Variants in PKD1 observed in about 807,000 individuals in gnomAD.
PKD1 encodes polycystin-1.
Under a neutral mutation model 361.7 loss-of-function variants are expected in PKD1, and 81 were observed. That is an observed-to-expected ratio of 0.22 (90% CI 0.19 to 0.27). The LOEUF (loss-of-function observed/expected upper bound fraction) is 0.27. Among genes scored for constraint, PKD1 ranks in the 10% least tolerant of loss-of-function variants. The pLI, the probability that PKD1 is intolerant of heterozygous loss-of-function variation, is 1.00. For missense variants in PKD1, 6,399 were observed against 6,118.3 expected (o/e 1.05, Z -1.53); for synonymous variants, 3,615 against 2,818.3 (o/e 1.28, Z -8.95).
chr16:2,126,992 A>G (rs1213889286), intron 1 of PKD1, among the ~76,000 whole-genome samples: 1 of 152,184 alleles, frequency 6.6e-6, no homozygotes, highest in Non-Finnish European at 1.5e-5. Context: ...AGGATGGCAG[A>G]GGAGATCCAC....
chr16:2,106,611 T>C lies in PKD1; in HGVS notation c.7276A>G (p.Ser2426Gly). ...CGCAGCACCAGTCGCATGCCTGCAC[T>C]GCCCGTGGATGTGGTGGTCTCATCC... ...VLDETTTSTGSAGMRLVLRRG... is the reference protein window; with the variant it reads ...VLDETTTSTGGAGMRLVLRRG... The change falls in exon 18 of 46, where the codon AGT becomes GGT. Residue 2426 changes from serine (S) to glycine (G), a missense_variant. Physicochemically the swap from Ser to Gly is moderately conservative, Grantham distance 56 (BLOSUM62 0). Transcript: ENST00000262304. The surrounding 1 kb of genome is among the most constrained non-coding windows in gnomAD (Gnocchi z 6.5). The C allele has an allele frequency of 6.3e-7, 1 of 1,598,684 alleles. No homozygotes were observed. Among genetic ancestry groups the C allele is most frequent in the Non-Finnish European group, 8.5e-7 (1 of 1,179,140 alleles).
At chr16:2,091,250 G>C (rs1316724439) in intron 42 of PKD1, 76 bp from the exon 43 acceptor site, 1 of 591,848 alleles carries the variant, frequency 1.7e-6, no homozygotes. Context: ...GACGCTGCCG[G>C]GGCGGGGCCC....
At position 2,124,644 on chromosome 16, in the gene PKD1, C is replaced by T. The variant is rs1596609026; in HGVS notation, c.216-5266G>A. Among the ~76,000 whole-genome samples the T allele has an allele frequency of 3.3e-5, 5 of 152,312 alleles. 1 individual carries two copies. Among genetic ancestry groups the T allele is most frequent in the African/African-American group, 1.2e-4 (5 of 41,574 alleles). ...ACTCAGAGCTGAGTGCCCCAGGCGCCCACTCCCCAGACCAGATGCTGAGTG... is the reference window on the plus strand; with the variant it reads ...ACTCAGAGCTGAGTGCCCCAGGCGCTCACTCCCCAGACCAGATGCTGAGTG... On this transcript the variant is annotated intron_variant, in intron 1 of 45. Transcript: ENST00000262304.
At chr16:2,112,194 C>G (rs1451565795) in intron 14 of PKD1, 146 bp downstream of exon 14, 2 of 776,742 alleles carry the variant, frequency 2.6e-6, no homozygotes, top group African/African-American at 3.4e-5. Flanking sequence ...CCCTCCCTCA[C>G]CCCAGTAGGG....
At chr16:2,129,539 TGA>T (rs1365530803) in intron 1 of PKD1, among the ~76,000 whole-genome samples, 1 of 141,654 alleles carries the variant, frequency 7.1e-6, no homozygotes, top group Admixed American at 7.1e-5. Flanking sequence ...TCAGATCCTG[TGA>T]TTTTTTTTTT....
rs1453638782 is a variant in PKD1 at position 2,089,845 on chromosome 16, C to T, written c.12794G>A (p.Gly4265Asp). Residue 4265 changes from glycine to aspartate, a missense_variant, in exon 46 of 46, where the codon GGC becomes GAC. Physicochemically the swap from Gly to Asp is moderately conservative, Grantham distance 94. Coordinates refer to ENST00000262304, the MANE Select transcript of PKD1 (RefSeq NM_001009944.3). ...PAGSSRGPSP[G>D]LRPALPSRLA... ...GCGGCTGGGCAGTGCTGGCCGCAGG[C>T]CCGGGGATGGGCCACGGGAAGATCC... 3 of 1,606,332 alleles carry T rather than the reference C, an allele frequency of 1.9e-6. No homozygotes were observed. Among genetic ancestry groups the T allele is most frequent in the African/African-American group, 2.7e-5 (2 of 74,980 alleles).
chr16:2,089,237 T>G lies in PKD1; in HGVS notation c.*490A>C. On this transcript the variant is annotated 3_prime_UTR_variant, in exon 46 of 46. Transcript: ENST00000262304. ...GCAGGCCCCTCAGCCCTAGTGAAAA[T>G]AGTGACATACAAAAATATACACATT... The G allele has an allele frequency of 5.8e-6, 1 of 172,614 alleles. No individual in the cohort carries two copies. Among genetic ancestry groups the G allele is most frequent in the Admixed American group, 5.6e-5 (1 of 17,868 alleles). The allele number at this position is 172,614 out of a possible 1,614,324, so 10.7% of individuals were successfully genotyped here. A position where few individuals can be genotyped will look rare whatever the true frequency, so the allele number is the denominator to read the frequency against.
In PKD1 at chr16:2,105,438, G is replaced by C. The variant is rs1293536553; in HGVS notation, c.7900C>G (p.His2634Asp). Residue 2634 changes from histidine (H) to aspartate (D), a missense_variant, in exon 21 of 46, where the codon CAC becomes GAC. Coordinates refer to ENST00000262304, the MANE Select transcript of PKD1 (RefSeq NM_001009944.3). ...ATCTGGGCTCGGTGCTGCCGCTCGT[G>C]CTTGGGCTCTGCCGCCACGTCCAGG... ...RALDVAAEPKHERQHRAQIRK... is the reference protein window; with the variant it reads ...RALDVAAEPKDERQHRAQIRK... The C allele has an allele frequency of 6.3e-6, 10 of 1,589,302 alleles. No homozygotes were observed. Among genetic ancestry groups the C allele is most frequent in the African/African-American group, 4.1e-5 (3 of 73,128 alleles).
Position 2,111,885 on chromosome 16 carries a change from C to A in PKD1, c.3296-14G>T. 4 of 1,609,866 alleles carry A rather than the reference C, an allele frequency of 2.5e-6. No homozygotes were observed. Among genetic ancestry groups the A allele is most frequent in the Non-Finnish European group, 2.5e-6 (3 of 1,179,348 alleles). On this transcript the variant is annotated splice_polypyrimidine_tract_variant and intron_variant, in intron 14 of 45. Transcript: ENST00000262304. Reference sequence around the variant, plus strand: ...GGAGGTACTCACCTGTGGGGACAGGCCCGAGTGGGGCAGCCGCGGCACCCC... The same window carrying A: ...GGAGGTACTCACCTGTGGGGACAGGACCGAGTGGGGCAGCCGCGGCACCCC...
chr16:2,091,927 G>C (rs1359964601), intron 40 of PKD1, 21 bp from the exon 41 acceptor site: 1 of 1,611,540 alleles, frequency 6.2e-7, no homozygotes. Flanking sequence ...GGGGTGGCGT[G>C]GGTGCCGCAC....
rs1242464241 is a variant in PKD1 at position 2,112,353 on chromosome 16, G to A, written c.3282C>T (p.Thr1094=). 3 of 1,588,032 alleles carry A rather than the reference G, an allele frequency of 1.9e-6. No homozygotes were observed. The highest frequency in any genetic ancestry group is 1.1e-5 in the South Asian group (1 of 90,420). Residue 1094 remains threonine (T), a synonymous_variant, in exon 14 of 46, where the codon ACC becomes ACT. Transcript: ENST00000262304. ...QVLVEHNVMH[T]YAAPGEYLLT... ...CTCATCCCTCACCTGGGGCAGCGTA[G>A]GTGTGCATGACATTGTGCTCCACCA...
chr16:2,100,397 T>C lies in PKD1; in HGVS notation c.9567A>G (p.Lys3189=). The stretch of plus-strand genomic sequence containing the variant: ...GAGCTTGGCAGGGTCCGCACAAACC[T>C]TTGTTGTCGTGCCACACTCGGATCT... ...VWKIRVWHDN[K]GLSPAWFLQH... is the part of the protein sequence containing the mutation. Residue 3189 remains lysine, a splice_region_variant and synonymous_variant, in exon 27 of 46, where the codon AAA becomes AAG. Coordinates refer to ENST00000262304, the MANE Select transcript of PKD1 (RefSeq NM_001009944.3). The surrounding 1 kb of genome is among the most constrained non-coding windows in gnomAD (Gnocchi z 4.4). 1 of 1,611,174 alleles carries C rather than the reference T, an allele frequency of 6.2e-7. No homozygotes were observed. The highest frequency in any genetic ancestry group is 8.5e-7 in the Non-Finnish European group (1 of 1,179,712).
chr16:2,099,733 C>T lies in PKD1; in HGVS notation c.9961G>A (p.Asp3321Asn), dbSNP rs948156316. Residue 3321 changes from aspartate to asparagine, a missense_variant, in exon 30 of 46, where the codon GAC (aspartate) becomes AAC (asparagine). Physicochemically the swap from Asp to Asn is conservative, Grantham distance 23. Transcript: ENST00000262304. The stretch of plus-strand genomic sequence containing the variant: ...GACACCAGGCCAACAGCGACTGTGT[C>T]GACGCTCAGCGGGCTCAGCCTGGAC... The part of the protein sequence containing the change: ...HVSRLSPLSV[D>N]TVAVGLVSSV... 19 of 1,562,614 alleles carry T rather than the reference C, an allele frequency of 1.2e-5. No individual in the cohort carries two copies. The highest frequency in any genetic ancestry group is 1.8e-5 in the Admixed American group (1 of 54,284).
At chr16:2,130,188 A>G (rs1259113086) in intron 1 of PKD1, among the ~76,000 whole-genome samples, 2 of 152,222 alleles carry the variant, frequency 1.3e-5, no homozygotes, top group Admixed American at 1.3e-4. Flanking sequence ...GGAGCCACGT[A>G]AGACCCGGCT....
In PKD1 at chr16:2,115,521, T is replaced by C. The variant is rs2092617455; in HGVS notation, c.1954A>G (p.Ile652Val). The C allele has an allele frequency of 1.9e-6, 3 of 1,596,828 alleles. No individual in the cohort carries two copies. The highest frequency in any genetic ancestry group is 3.4e-5 in the Admixed American group (2 of 58,680). ...PGGRWCPGANICLPLDASCHP... is the reference protein window; with the variant it reads ...PGGRWCPGANVCLPLDASCHP... Reference sequence around the variant, plus strand: ...CAGGAGGCGTCCAGCGGCAAGCAGATGTTGGCTCCAGGGCACCAGCGTCCC... The same window carrying C: ...CAGGAGGCGTCCAGCGGCAAGCAGACGTTGGCTCCAGGGCACCAGCGTCCC... The change falls in exon 10 of 46, where the codon ATC becomes GTC. Residue 652 changes from isoleucine (I) to valine (V), a missense_variant. Physicochemically the swap from Ile to Val is conservative, Grantham distance 29. Transcript: ENST00000262304.
intron 13 of PKD1, 146 bp from the exon 14 acceptor site, chr16:2,112,619 C>T: frequency 2.0e-6 from 2 of 983,594 alleles, no homozygotes; most frequent in Non-Finnish European, 3.1e-6. Flanking sequence ...GCTGAGGCCT[C>T]TCCCGGCTCC....
intron 1 of PKD1, among the ~76,000 whole-genome samples, chr16:2,126,092 G>A (rs1410927479): frequency 2.0e-5 from 3 of 152,190 alleles, no homozygotes; most frequent in Admixed American, 2.0e-4. Flanking sequence ...AGATCCAGCG[G>A]GGCAGCCGGA....
rs750175516 is a variant in PKD1, at chr16:2,100,597, C to T, written c.9398-31G>A. 40 of 1,590,120 alleles carry T rather than the reference C, an allele frequency of 2.5e-5. No individual in the cohort carries two copies. Among genetic ancestry groups the T allele is most frequent in the South Asian group, 5.5e-5 (5 of 90,570 alleles). On this transcript the variant is annotated intron_variant, in intron 26 of 45. Transcript: ENST00000262304. The surrounding 1 kb of genome is among the most constrained non-coding windows in gnomAD (Gnocchi z 4.4). ...AGGCAAGAGGGAGGGGTGGGAGGCT[C>T]GGTCTGCTGCCCAACACGTGTGGCA...
At chr16:2,123,671 G>A (rs1428309774) in intron 1 of PKD1, among the ~76,000 whole-genome samples, 1 of 152,056 alleles carries the variant, frequency 6.6e-6, no homozygotes, top group African/African-American at 2.4e-5. Context: ...GGACACAGCA[G>A]GGCCCAGGCA....
Sources: gnomAD v4.1 joint callset for allele counts (sites outside exome capture counted in the v4.1 genomes callset) on GRCh38, gnomAD v4.1.1 for gene constraint, Gnocchi (gnomAD v3.1) non-coding constraint, MANE v1.5 for transcripts, NCBI Gene and HGNC (gene_info 2026-07-23, HGNC 2026-07-21) for gene names.